The following SMOC1 variants were observed in gnomAD, a reference collection of about 807,000 sequenced individuals.
The protein encoded by SMOC1 is SPARC related modular calcium binding 1.
In SMOC1, 22 loss-of-function variants were observed where a neutral mutation model predicts 56.3. The observed-to-expected ratio is 0.39, with a 90% CI of 0.28 to 0.56. The LOEUF is 0.56. Among genes scored for constraint, SMOC1 ranks in the 20% least tolerant of loss-of-function variants. The probability of loss-of-function intolerance (pLI) is 0.61; values close to 1 mark genes in which losing one functional copy is unlikely to be tolerated. For synonymous variants in SMOC1, 193 were observed against 215.0 expected, an observed-to-expected ratio of 0.90 and a Z score of 0.89; for missense variants, 509 against 565.4, an observed-to-expected ratio of 0.90 and a Z score of 1.01.
chr14:69,943,933 T>A (rs1288391134), intron 1 of SMOC1, among the ~76,000 whole-genome samples: 1 of 152,234 alleles, frequency 6.6e-6, no homozygotes, highest in African/African-American at 2.4e-5. Flanking sequence ...GTGTCTGATA[T>A]CCCTACATTG....
At chr14:69,940,465 A>G (rs913724332) in intron 1 of SMOC1, among the ~76,000 whole-genome samples, 2 of 152,200 alleles carry the variant, frequency 1.3e-5, no homozygotes, top group Admixed American at 1.3e-4. Flanking sequence ...GTTCAGGATA[A>G]CTTTATAAGG....
At chr14:69,989,308 T>G (rs999676586) in intron 5 of SMOC1, among the ~76,000 whole-genome samples, 10 of 152,376 alleles carry the variant, frequency 6.6e-5, no homozygotes, top group African/African-American at 2.4e-4. Flanking sequence ...TATCTTTTCA[T>G]GTATTTATTA....
intron 1 of SMOC1, among the ~76,000 whole-genome samples, chr14:69,923,538 G>T (rs1029759437): frequency 3.3e-5 from 5 of 152,052 alleles, no homozygotes; most frequent in African/African-American, 1.2e-4. Context: ...TTCTCTCTCA[G>T]TGCGGGACAA....
chr14:69,980,508 G>T (rs927423628), intron 5 of SMOC1, among the ~76,000 whole-genome samples: 1 of 152,304 alleles, frequency 6.6e-6, no homozygotes, highest in African/African-American at 2.4e-5. Context: ...TATGGGCAGC[G>T]CAGTGAAGAG....
intron 1 of SMOC1, among the ~76,000 whole-genome samples, chr14:69,947,369 T>A (rs1358147919): frequency 4.6e-5 from 7 of 152,042 alleles, no homozygotes; most frequent in Non-Finnish European, 1.5e-5. Flanking sequence ...AGTGTCTCTC[T>A]CTGTTGCCCA....
intron 1 of SMOC1, among the ~76,000 whole-genome samples, chr14:69,927,941 G>A (rs1885053810): frequency 6.6e-6 from 1 of 152,162 alleles, no homozygotes; most frequent in Non-Finnish European, 1.5e-5. Context: ...ACCCCTTGAG[G>A]AAGAATAAAC....
At chr14:69,883,889 ATTTTTTTTTTTTTTTTT>A (rs34300667) in intron 1 of SMOC1, among the ~76,000 whole-genome samples, 3 of 66,644 alleles carry the variant, frequency 4.5e-5, no homozygotes, top group East Asian at 5.5e-4. Context: ...GATGTTGAGC[ATTTTTTTTTTTTTTTTT>A]TTTTTTTTTT....
chr14:69,981,117 G>A (rs570483095), intron 5 of SMOC1, among the ~76,000 whole-genome samples: 6 of 152,092 alleles, frequency 3.9e-5, no homozygotes, highest in Non-Finnish European at 7.4e-5. Context: ...GCAGGAGGAA[G>A]GGAGGAGAGA....
chr14:69,968,425 T>C (rs1566692465), intron 3 of SMOC1, among the ~76,000 whole-genome samples: 3 of 152,194 alleles, frequency 2.0e-5, no homozygotes, highest in Non-Finnish European at 4.4e-5. Flanking sequence ...AGAGATGTTC[T>C]TGGGGGTGGG....
intron 11 of SMOC1, among the ~76,000 whole-genome samples, chr14:70,027,525 C>T (rs754114828): frequency 2.1e-4 from 32 of 152,098 alleles, no homozygotes; most frequent in Non-Finnish European, 4.1e-4. Context: ...TATGGGATGA[C>T]GGACCACTAT....
At chr14:69,927,444 G>T (rs964669499) in intron 1 of SMOC1, among the ~76,000 whole-genome samples, 1 of 152,200 alleles carries the variant, frequency 6.6e-6, no homozygotes, top group African/African-American at 2.4e-5. Flanking sequence ...ACTTTGAGGG[G>T]CCAAGGCGGG....
intron 7 of SMOC1, 36 bp from the exon 8 acceptor site, chr14:70,010,718 A>C: frequency 6.2e-7 from 1 of 1,606,094 alleles, no homozygotes; most frequent in Non-Finnish European, 8.5e-7. Flanking sequence ...AAATCACAGG[A>C]GTGATAGTCA....
At chr14:69,973,374 G>C (rs1179591810) in intron 3 of SMOC1, among the ~76,000 whole-genome samples, 2 of 152,198 alleles carry the variant, frequency 1.3e-5, no homozygotes, top group Non-Finnish European at 1.5e-5. Context: ...TTTTATAGAT[G>C]GGCTCAAAGA....
intron 5 of SMOC1, among the ~76,000 whole-genome samples, chr14:69,982,623 C>T (rs1884220344): frequency 6.6e-6 from 1 of 152,194 alleles, no homozygotes; most frequent in African/African-American, 2.4e-5. Context: ...CTGGCAGAGC[C>T]GTGTTGGGCT....
At chr14:70,029,544 C>CT (rs1886060418) in intron 11 of SMOC1, among the ~76,000 whole-genome samples, 1 of 152,298 alleles carries the variant, frequency 6.6e-6, no homozygotes, top group African/African-American at 2.4e-5. Flanking sequence ...GGCCAAACAA[C>CT]TTTTTGCTCT....
At chr14:70,011,686 A>G (rs747287504) in intron 9 of SMOC1, 119 bp downstream of exon 9, 27 of 937,262 alleles carry the variant, frequency 2.9e-5, no homozygotes, top group Non-Finnish European at 4.6e-5. Flanking sequence ...TGGAGCCAGG[A>G]GCCGTGGGAT....
chr14:69,941,142 G>A (rs557088412), intron 1 of SMOC1, among the ~76,000 whole-genome samples: 3 of 152,108 alleles, frequency 2.0e-5, no homozygotes, highest in Non-Finnish European at 2.9e-5. Flanking sequence ...CTGGCATCCC[G>A]CCCTGCCCTA....
intron 1 of SMOC1, among the ~76,000 whole-genome samples, chr14:69,923,996 G>A (rs1884923227): frequency 6.6e-6 from 1 of 152,158 alleles, no homozygotes; most frequent in Admixed American, 6.5e-5. Context: ...AGTACTTTCA[G>A]CAACTGAACT....
chr14:69,944,292 G>A (rs1427807361), intron 1 of SMOC1, among the ~76,000 whole-genome samples: 1 of 152,188 alleles, frequency 6.6e-6, no homozygotes, highest in Non-Finnish European at 1.5e-5. Context: ...TTGGAAGGCA[G>A]CAGCATTTAC....
Sources: gnomAD v4.1 joint callset for allele counts (sites outside exome capture counted in the v4.1 genomes callset) on GRCh38, gnomAD v4.1.1 for gene constraint, MANE v1.5 for transcripts, NCBI Gene and HGNC (gene_info 2026-07-23, HGNC 2026-07-21) for gene names.